Variants in DYNC2I1 observed in about 807,000 individuals in gnomAD.
The protein encoded by DYNC2I1 is cytoplasmic dynein 2 intermediate chain 1.
In DYNC2I1, 89 loss-of-function variants were observed where a neutral mutation model predicts 133.4. That is an observed-to-expected ratio of 0.67 (90% CI 0.56 to 0.80). The LOEUF (loss-of-function observed/expected upper bound fraction) is 0.80, where lower values mean the gene tolerates loss of function less well. Ranked by LOEUF, DYNC2I1 falls within the 30% of genes least tolerant of loss-of-function variation. The pLI is 0.00. For missense variants in DYNC2I1, 1,291 were observed against 1,314.5 expected, an observed-to-expected ratio of 0.98 and a Z score of 0.28; for synonymous variants, 504 against 484.3, an observed-to-expected ratio of 1.04 and a Z score of -0.54.
At chr7:158,883,752 C>G (rs1421989634) in intron 5 of DYNC2I1, among the ~76,000 whole-genome samples, 1 of 147,602 alleles carries the variant, frequency 6.8e-6, no homozygotes, top group African/African-American at 2.5e-5. Flanking sequence ...CAAGCTCCGC[C>G]TCCCGGGTTC....
In DYNC2I1 at chr7:158,933,964, G is replaced by A. The variant is rs2657330; in HGVS notation, c.2547-165G>A. 0.44 allele frequency among the ~76,000 whole-genome samples: 67,246 copies of A among 152,022 alleles called. 15,794 individuals carry two copies. Among genetic ancestry groups the A allele is most frequent in the Non-Finnish European group, 0.52 (35,122 of 67,942 alleles). ...GATAACTCTGAAAAAATTATCAAGA[G>A]TGTAGTAGCAGAAGAAAATAGAAAC... On this transcript the variant is annotated intron_variant, in intron 21 of 24. Coordinates refer to ENST00000407559, the MANE Select transcript of DYNC2I1 (RefSeq NM_018051.5).
At chr7:158,915,971 A>G in intron 14 of DYNC2I1, among the ~76,000 whole-genome samples, 1 of 135,578 alleles carries the variant, frequency 7.4e-6, no homozygotes. Context: ...GTTGACATTA[A>G]GGATGATTGT....
Position 158,914,329 on chromosome 7 carries a change from C to G in DYNC2I1, c.1791+8C>G, listed in dbSNP as rs759459415. 1.2e-6 allele frequency: 2 copies of G among 1,605,220 alleles called. No homozygotes were observed. The highest frequency in any genetic ancestry group is 1.7e-6 in the Non-Finnish European group (2 of 1,174,904). On this transcript the variant is annotated splice_region_variant and intron_variant, in intron 14 of 24. Coordinates refer to ENST00000407559, the MANE Select transcript of DYNC2I1 (RefSeq NM_018051.5). Reference sequence around the variant, plus strand: ...CTGCGGGCTGCTTGTCAGGTATACTCAACCTATATATGTTGTGTTCTCTGT... The same window carrying G: ...CTGCGGGCTGCTTGTCAGGTATACTGAACCTATATATGTTGTGTTCTCTGT...
chr7:158,951,079 A>G (rs1222434202), downstream of DYNC2I1, among the ~76,000 whole-genome samples: 3 of 152,206 alleles, frequency 2.0e-5, no homozygotes, highest in South Asian at 2.1e-4. Context: ...TGTGTCAGTC[A>G]TAGTTATTTA....
At chr7:158,934,270 T>G in intron 22 of DYNC2I1, 42 bp downstream of exon 22, 1 of 1,568,788 alleles carries the variant, frequency 6.4e-7, no homozygotes, top group Non-Finnish European at 8.7e-7. Flanking sequence ...TCATTCTCCT[T>G]GTTTTCCTGA....
At chr7:158,916,321 G>A (rs1461816180) in intron 14 of DYNC2I1, among the ~76,000 whole-genome samples, 1 of 104,796 alleles carries the variant, frequency 9.5e-6, no homozygotes, top group East Asian at 2.2e-4. Flanking sequence ...GGATGATTGT[G>A]AAACGTCTAC....
intron 24 of DYNC2I1, among the ~76,000 whole-genome samples, chr7:158,943,363 A>C (rs1246338000): frequency 6.6e-6 from 1 of 152,218 alleles, no homozygotes; most frequent in Non-Finnish European, 1.5e-5. Flanking sequence ...CCACACCCTG[A>C]GATCTCTCCC....
At chr7:158,893,363 T>G (rs1480060327) in intron 8 of DYNC2I1, among the ~76,000 whole-genome samples, 1 of 152,162 alleles carries the variant, frequency 6.6e-6, no homozygotes, top group South Asian at 2.1e-4. Context: ...AGTAAACCCA[T>G]AGTGAGTTGA....
In DYNC2I1 at chr7:158,903,407, C is replaced by T. The variant is rs143360945; in HGVS notation, c.1357+812C>T. 3.1e-4 allele frequency: 47 copies of T among 152,026 alleles called. No individual in the cohort carries two copies. In the East Asian group the frequency reaches 6.4e-3, roughly 21 times the overall value. The allele number at this position is 152,026 out of a possible 1,614,324, so 9.4% of individuals were successfully genotyped here. On this transcript the variant is annotated intron_variant, in intron 10 of 24. Transcript: ENST00000407559. The stretch of plus-strand genomic sequence containing the variant: ...ATAATATTAAAATACTATTTGATGA[C>T]GTACTACTTTAAATTATCTAGTAAA...
intron 24 of DYNC2I1, among the ~76,000 whole-genome samples, chr7:158,942,560 T>G (rs1008255130): frequency 6.6e-6 from 1 of 152,258 alleles, no homozygotes; most frequent in Non-Finnish European, 1.5e-5. Flanking sequence ...ATTAACAGAT[T>G]CATCATGCGG....
chr7:158,949,717 G>A (rs1241798131), downstream of DYNC2I1, among the ~76,000 whole-genome samples: 1 of 152,148 alleles, frequency 6.6e-6, no homozygotes. Flanking sequence ...CGGGAGAATG[G>A]GGCAAAGCAA....
chr7:158,952,893 C>T (rs1852098469), intron 4 of DYNC2I1, among the ~76,000 whole-genome samples: 1 of 152,216 alleles, frequency 6.6e-6, no homozygotes, highest in Admixed American at 6.5e-5. Flanking sequence ...GGGTGCGCCC[C>T]CTTGAAACTC....
chr7:158,897,071 C>G (rs1845828982), intron 8 of DYNC2I1, among the ~76,000 whole-genome samples: 1 of 151,220 alleles, frequency 6.6e-6, no homozygotes, highest in African/African-American at 2.4e-5. Context: ...GCAGCCTCCA[C>G]CTCCTGGGTT....
At chr7:158,958,112 C>T (rs1320675729), downstream of DYNC2I1, among the ~76,000 whole-genome samples, 2 of 149,498 alleles carry the variant, frequency 1.3e-5, no homozygotes, top group African/African-American at 4.9e-5. Context: ...AGGGTGAGGT[C>T]TGCACCTGCC....
intron 8 of DYNC2I1, among the ~76,000 whole-genome samples, chr7:158,891,764 A>T (rs761245439): frequency 6.6e-6 from 1 of 152,260 alleles, no homozygotes; most frequent in African/African-American, 2.4e-5. Flanking sequence ...GATCCAGGCC[A>T]TGGTTGCTGA....
chr7:158,891,165 C>A (rs1845176342), intron 7 of DYNC2I1, 100 bp from the exon 8 acceptor site: 1 of 1,310,348 alleles, frequency 7.6e-7, no homozygotes, highest in Non-Finnish European at 1.1e-6. Context: ...TTGCTGAGGG[C>A]TGGCGGGCTC....
At chr7:158,856,173 C>G (rs187443764), upstream of DYNC2I1, among the ~76,000 whole-genome samples, 2,367 of 152,000 alleles carry the variant, frequency 0.016, 28 homozygotes, top group Non-Finnish European at 0.024. Context: ...GTCTCGATCT[C>G]CTGACCTCAT....
At chr7:158,878,422 A>G (rs1585003580) in intron 4 of DYNC2I1, among the ~76,000 whole-genome samples, 2 of 119,488 alleles carry the variant, frequency 1.7e-5, no homozygotes, top group Non-Finnish European at 1.7e-5. Flanking sequence ...AGGAGGGCCG[A>G]CTGTGAGTGC....
chr7:158,956,887 CCT>C (rs1563223855), downstream of DYNC2I1: 1 of 152,384 alleles, frequency 6.6e-6, no homozygotes, highest in Non-Finnish European at 1.5e-5. Context: ...CTGAGCTGTC[CCT>C]CTCTGTGGTT....
Sources: allele counts gnomAD v4.1 joint callset (sites outside exome capture counted in the v4.1 genomes callset), GRCh38; gene constraint gnomAD v4.1.1; transcripts MANE v1.5; gene names NCBI Gene and HGNC (gene_info 2026-07-23, HGNC 2026-07-21).